Variants in ANKS1B observed in about 807,000 individuals in gnomAD.
The protein encoded by ANKS1B is ankyrin repeat and sterile alpha motif domain-containing protein 1B.
A neutral mutation model predicts 148.3 loss-of-function variants in ANKS1B; 36 were observed. The observed-to-expected ratio is 0.24, with a 90% CI of 0.19 to 0.32. The LOEUF (loss-of-function observed/expected upper bound fraction) is 0.32. Ranked by LOEUF, ANKS1B falls within the 10% of genes least tolerant of loss-of-function variation. The pLI, the probability that ANKS1B is intolerant of heterozygous loss-of-function variation, is 1.00. For missense variants in ANKS1B, 1,157 were observed against 1,542.6 expected, an observed-to-expected ratio of 0.75 and a Z score of 4.19; for synonymous variants, 542 against 560.8, an observed-to-expected ratio of 0.97 and a Z score of 0.47.
intron 4 of ANKS1B, among the ~76,000 whole-genome samples, chr12:99,790,427 T>G (rs2065502290): frequency 6.6e-6 from 1 of 152,036 alleles, no homozygotes; most frequent in Non-Finnish European, 1.5e-5. Context: ...CATTTGAAGG[T>G]GCAAAACTCA....
At chr12:99,254,198 T>C (rs1363510475) in intron 12 of ANKS1B, among the ~76,000 whole-genome samples, 1 of 152,168 alleles carries the variant, frequency 6.6e-6, no homozygotes, top group East Asian at 1.9e-4. Context: ...ACTTTCTGAT[T>C]TGGTTGCACG....
At chr12:98,988,672 A>G (rs2099924847) in intron 17 of ANKS1B, among the ~76,000 whole-genome samples, 1 of 151,524 alleles carries the variant, frequency 6.6e-6, no homozygotes. Flanking sequence ...TTTTTGAGAA[A>G]CCTCCATACT....
In ANKS1B at chr12:99,984,285, C is replaced by A; in HGVS notation, c.-48G>T. 7.2e-7 allele frequency: 1 copy of A among 1,385,946 alleles called. No individual in the cohort carries two copies. The allele number at this position is 1,385,946 out of a possible 1,614,324, so 85.9% of individuals were successfully genotyped here. ...AGAGTCCTTGCCCCCCTCGGGTCCTCCTCCCCACCCACCCCCACTCCCCAA... is the reference window on the plus strand; with the variant it reads ...AGAGTCCTTGCCCCCCTCGGGTCCTACTCCCCACCCACCCCCACTCCCCAA... On this transcript the variant is annotated 5_prime_UTR_variant, in exon 1 of 27. Coordinates refer to ENST00000683438, the MANE Select transcript of ANKS1B (RefSeq NM_001352186.2).
intron 8 of ANKS1B, among the ~76,000 whole-genome samples, chr12:99,687,090 T>C (rs1036589609): frequency 3.9e-5 from 6 of 152,202 alleles, no homozygotes; most frequent in African/African-American, 1.4e-4. Context: ...TTATGAAATA[T>C]AATTTAAATG....
chr12:99,660,064 A>C (rs2098468752), intron 8 of ANKS1B, among the ~76,000 whole-genome samples: 2 of 152,246 alleles, frequency 1.3e-5, no homozygotes, highest in African/African-American at 4.8e-5. Context: ...AATCTAGACT[A>C]CTTTATAGCA....
chr12:98,970,382 C>A (rs1267443863), intron 17 of ANKS1B, among the ~76,000 whole-genome samples: 1 of 152,142 alleles, frequency 6.6e-6, no homozygotes, highest in East Asian at 1.9e-4. Flanking sequence ...ACACAAAGGG[C>A]CATGCAGACT....
intron 14 of ANKS1B, among the ~76,000 whole-genome samples, chr12:99,205,058 G>C (rs2082482650): frequency 6.6e-6 from 1 of 151,312 alleles, no homozygotes; most frequent in African/African-American, 2.4e-5. Context: ...CTTGTACCAG[G>C]CCCCCCCCAA....
At chr12:99,441,756 G>T (rs1279015459) in intron 11 of ANKS1B, among the ~76,000 whole-genome samples, 2 of 151,846 alleles carry the variant, frequency 1.3e-5, no homozygotes, top group South Asian at 4.2e-4. Flanking sequence ...TTTAAGTAAC[G>T]ACAGCACCAA....
intron 8 of ANKS1B, among the ~76,000 whole-genome samples, chr12:99,692,169 G>A (rs961310587): frequency 1.3e-5 from 2 of 152,128 alleles, no homozygotes; most frequent in African/African-American, 4.8e-5. Context: ...AATTTTTAAA[G>A]AACATTCTGG....
At chr12:99,867,212 C>A (rs1234147941) in intron 1 of ANKS1B, among the ~76,000 whole-genome samples, 6 of 152,260 alleles carry the variant, frequency 3.9e-5, no homozygotes, top group African/African-American at 1.4e-4. Context: ...CCTTTCCCTT[C>A]CCACGGCACA....
At chr12:99,716,356 A>T (rs1054833777) in intron 8 of ANKS1B, among the ~76,000 whole-genome samples, 2 of 151,206 alleles carry the variant, frequency 1.3e-5, no homozygotes, top group Non-Finnish European at 2.9e-5. Context: ...ACTTTTCTGG[A>T]GGGTAAGAAC....
At chr12:99,762,621 G>C (rs971718528) in intron 8 of ANKS1B, among the ~76,000 whole-genome samples, 1 of 152,060 alleles carries the variant, frequency 6.6e-6, no homozygotes, top group African/African-American at 2.4e-5. Context: ...ATAGGTCTGG[G>C]CAAAGATTTC....
chr12:99,658,487 T>C (rs1001597631), intron 8 of ANKS1B, among the ~76,000 whole-genome samples: 1 of 152,134 alleles, frequency 6.6e-6, no homozygotes, highest in Non-Finnish European at 1.5e-5. Flanking sequence ...ATGCATGATA[T>C]CATGTTCTTC....
At chr12:99,737,667 T>C (rs1457831436) in intron 8 of ANKS1B, among the ~76,000 whole-genome samples, 3 of 152,026 alleles carry the variant, frequency 2.0e-5, no homozygotes, top group Non-Finnish European at 2.9e-5. Context: ...CACCTCCCCA[T>C]ACCATGTCTT....
chr12:99,016,754 T>A (rs1210087355), intron 17 of ANKS1B, among the ~76,000 whole-genome samples: 1 of 152,172 alleles, frequency 6.6e-6, no homozygotes, highest in Admixed American at 6.5e-5. Context: ...AATTTTTATC[T>A]CAAATAAGGG....
At chr12:99,399,139 G>A (rs546306494) in intron 12 of ANKS1B, among the ~76,000 whole-genome samples, 2 of 152,140 alleles carry the variant, frequency 1.3e-5, no homozygotes, top group South Asian at 4.1e-4. Context: ...AGTGGGTGGT[G>A]TTATTTTTCT....
At chr12:99,345,602 A>G (rs575657652) in intron 12 of ANKS1B, among the ~76,000 whole-genome samples, 1 of 152,104 alleles carries the variant, frequency 6.6e-6, no homozygotes, top group Admixed American at 6.6e-5. Context: ...AGAGGAGGAA[A>G]CTGACCTTTA....
chr12:99,222,694 A>G (rs1320206702), intron 14 of ANKS1B, among the ~76,000 whole-genome samples: 1 of 152,160 alleles, frequency 6.6e-6, no homozygotes, highest in Non-Finnish European at 1.5e-5. Context: ...TCATTTTCCA[A>G]ATCTGGAATA....
intron 17 of ANKS1B, among the ~76,000 whole-genome samples, chr12:98,940,801 A>G (rs1212026729): frequency 6.6e-6 from 1 of 152,228 alleles, no homozygotes; most frequent in Non-Finnish European, 1.5e-5. Flanking sequence ...GAGTCTAGCA[A>G]GAGGGAAACA....
Sources: allele counts gnomAD v4.1 joint callset (sites outside exome capture counted in the v4.1 genomes callset), GRCh38; gene constraint gnomAD v4.1.1; transcripts MANE v1.5; gene names NCBI Gene and HGNC (gene_info 2026-07-23, HGNC 2026-07-21).